Variants in KMT2C observed in about 807,000 individuals in gnomAD.
KMT2C encodes the protein lysine methyltransferase 2C.
A neutral mutation model predicts 507.9 loss-of-function variants in KMT2C; 88 were observed. The observed-to-expected ratio is 0.17, with a 90% CI of 0.15 to 0.21. KMT2C has a LOEUF of 0.21. Ranked by LOEUF, KMT2C falls within the 10% of genes least tolerant of loss-of-function variation. The pLI is 1.00. For synonymous variants in KMT2C, 2,049 were observed against 2,080.8 expected (o/e 0.98, Z 0.42); for missense variants, 4,954 against 5,957.8 (o/e 0.83, Z 5.55).
At chr7:152,197,596 T>C (rs2094002827) in intron 27 of KMT2C, among the ~76,000 whole-genome samples, 2 of 152,202 alleles carry the variant, frequency 1.3e-5, no homozygotes, top group Admixed American at 1.3e-4. Context: ...GGATAATTTT[T>C]TTAGGAGTCA....
At chr7:152,356,959 C>A (rs1054403103) in intron 2 of KMT2C, among the ~76,000 whole-genome samples, 10 of 150,764 alleles carry the variant, frequency 6.6e-5, no homozygotes, top group African/African-American at 2.4e-4. Flanking sequence ...TAGAGCCAGA[C>A]ACGGTGGCTC....
At chr7:152,286,834 A>T (rs2096306902) in intron 6 of KMT2C, among the ~76,000 whole-genome samples, 1 of 151,850 alleles carries the variant, frequency 6.6e-6, no homozygotes, top group African/African-American at 2.4e-5. Flanking sequence ...GACAACTCAG[A>T]AACACCAACA....
At chr7:152,337,816 A>T (rs1397577592) in intron 2 of KMT2C, among the ~76,000 whole-genome samples, 1 of 151,468 alleles carries the variant, frequency 6.6e-6, no homozygotes, top group East Asian at 1.9e-4. Flanking sequence ...CACACACTAT[A>T]GTCTATGGAT....
rs2129095651 is a variant in KMT2C at position 152,149,011 on chromosome 7, G to A, written c.12916C>T (p.Pro4306Ser). The change falls in exon 52 of 59, where the codon CCC (proline) becomes TCC (serine). Residue 4306 changes from proline to serine, a missense_variant. Physicochemically the swap from Pro to Ser is moderately conservative, Grantham distance 74. Transcript: ENST00000262189. ...PEKASPPASP[P>S]IAFPPAFEAA... is the part of the protein sequence containing the mutation. ...TCAAAAGCAGGAGGGAAGGCGATGG[G>A]TGGTGAGGCAGGGGGAGAAGCTTTC... 2 of 1,554,796 alleles carry A rather than the reference G, an allele frequency of 1.3e-6. No homozygotes were observed. The highest frequency in any genetic ancestry group is 1.7e-6 in the Non-Finnish European group (2 of 1,153,740).
intron 2 of KMT2C, among the ~76,000 whole-genome samples, chr7:152,336,174 T>C (rs2129215935): frequency 6.6e-6 from 1 of 152,300 alleles, no homozygotes; most frequent in South Asian, 2.1e-4. Context: ...GACTGCTTCC[T>C]AGATAGCAGT....
At chr7:152,147,951 A>C in intron 52 of KMT2C, 82 bp downstream of exon 52, 1 of 1,409,376 alleles carries the variant, frequency 7.1e-7, no homozygotes, top group Non-Finnish European at 9.5e-7. Flanking sequence ...CATGAGACAA[A>C]CATGGAAAAT....
At chr7:152,239,430 G>GT (rs1288107546) in intron 14 of KMT2C, among the ~76,000 whole-genome samples, 1 of 152,132 alleles carries the variant, frequency 6.6e-6, no homozygotes, top group Non-Finnish European at 1.5e-5. Flanking sequence ...ACCATTAGTT[G>GT]TCGGTTTGGT....
chr7:152,204,649 A>C (rs2094249042), intron 25 of KMT2C, among the ~76,000 whole-genome samples: 1 of 152,154 alleles, frequency 6.6e-6, no homozygotes, highest in Admixed American at 6.5e-5. Flanking sequence ...ACAGACAGAT[A>C]CATAAATAGA....
At chr7:152,378,155 A>G (rs139139067) in intron 1 of KMT2C, among the ~76,000 whole-genome samples, 34 of 152,376 alleles carry the variant, frequency 2.2e-4, no homozygotes, top group African/African-American at 7.5e-4. Context: ...AGAATACTAT[A>G]TAACCTTAGT....
At chr7:152,242,950 A>T (rs2095411652) in intron 14 of KMT2C, among the ~76,000 whole-genome samples, 1 of 152,224 alleles carries the variant, frequency 6.6e-6, no homozygotes, top group African/African-American at 2.4e-5. Context: ...ATTTAGGAAA[A>T]GTGAAAGCAA....
chr7:152,154,932 A>T (rs2091934946), intron 46 of KMT2C: 1 of 152,846 alleles, frequency 6.5e-6, no homozygotes, highest in South Asian at 2.1e-4. Context: ...CAGCTGTCCT[A>T]CTGCTGCTCT....
intron 2 of KMT2C, among the ~76,000 whole-genome samples, chr7:152,340,180 G>A (rs1373028920): frequency 6.7e-6 from 1 of 149,246 alleles, no homozygotes; most frequent in Non-Finnish European, 1.5e-5. Flanking sequence ...TAGAGACAGG[G>A]ATTAACTATG....
intron 43 of KMT2C, among the ~76,000 whole-genome samples, chr7:152,161,514 G>A (rs1348957792): frequency 6.6e-6 from 1 of 151,964 alleles, no homozygotes; most frequent in African/African-American, 2.4e-5. Flanking sequence ...AAATAAAGGG[G>A]ACAGATTCTT....
intron 23 of KMT2C, among the ~76,000 whole-genome samples, chr7:152,215,738 ACACACACAC>A (rs2129143177): frequency 6.6e-6 from 1 of 150,852 alleles, no homozygotes; most frequent in Non-Finnish European, 1.5e-5. Context: ...ACACACACAC[ACACACACAC>A]ATTTCCTTAT....
At chr7:152,244,878 A>G (rs1159384840) in intron 14 of KMT2C, among the ~76,000 whole-genome samples, 5 of 152,236 alleles carry the variant, frequency 3.3e-5, no homozygotes, top group Non-Finnish European at 7.3e-5. Context: ...CTCACTAAAT[A>G]GCACCTGAAA....
chr7:152,181,494 T>C lies in KMT2C; in HGVS notation c.6366A>G (p.Ile2122Met), dbSNP rs1038773770. Residue 2122 changes from isoleucine (I) to methionine (M), a missense_variant, in exon 36 of 59, where the codon ATA (isoleucine) becomes ATG (methionine). This residue lies in a region of KMT2C where 1,689 missense variants were observed against 1,654.3 expected (regional missense o/e 1.02). Coordinates refer to ENST00000262189, the MANE Select transcript of KMT2C (RefSeq NM_170606.3). ...PSRAFSQPGT[I>M]SRPTSQDPYS... ...ATGGGTCCTGAGATGTTGGCCTTGATATGGTTCCAGGCTGGGAAAAAGCCC... is the reference window on the plus strand; with the variant it reads ...ATGGGTCCTGAGATGTTGGCCTTGACATGGTTCCAGGCTGGGAAAAAGCCC... 6.2e-7 allele frequency: 1 copy of C among 1,613,860 alleles called. No individual in the cohort carries two copies. The highest frequency in any genetic ancestry group is 8.5e-7 in the Non-Finnish European group (1 of 1,179,990).
At chr7:152,283,107 C>T (rs1478985467) in intron 6 of KMT2C, among the ~76,000 whole-genome samples, 3 of 146,038 alleles carry the variant, frequency 2.1e-5, no homozygotes, top group Non-Finnish European at 4.5e-5. Context: ...TCTAAGATAT[C>T]TGTCCTTAGC....
At chr7:152,427,810 T>G (rs2097833530) in intron 1 of KMT2C, among the ~76,000 whole-genome samples, 1 of 152,146 alleles carries the variant, frequency 6.6e-6, no homozygotes, top group Admixed American at 6.5e-5. Flanking sequence ...CCAGTCCTAC[T>G]TCCCCGAATG....
intron 21 of KMT2C, 142 bp from the exon 22 acceptor site, chr7:152,222,208 T>TA (rs1295254013): frequency 1.4e-5 from 8 of 564,294 alleles, no homozygotes; most frequent in Middle Eastern, 4.5e-4. Flanking sequence ...AAGTGCTTTT[T>TA]AAAGCAACAA....
Sources: gnomAD v4.1 joint callset for allele counts (sites outside exome capture counted in the v4.1 genomes callset) on GRCh38, gnomAD v4.1.1 for gene constraint, gnomAD v4.1.1 regional missense constraint, MANE v1.5 for transcripts, NCBI Gene and HGNC (gene_info 2026-07-23, HGNC 2026-07-21) for gene names.